CATSPERD: variants seen among roughly 807,000 people sequenced by gnomAD.
CATSPERD encodes catsper channel auxiliary subunit delta.
Under a neutral mutation model 98.1 loss-of-function variants are expected in CATSPERD, and 86 were observed. The observed-to-expected ratio is 0.88, with a 90% CI of 0.74 to 1.05. CATSPERD has a LOEUF of 1.05. Among genes scored for constraint, CATSPERD ranks in the 50% least tolerant of loss-of-function variants. The pLI, the probability that CATSPERD is intolerant of heterozygous loss-of-function variation, is 0.00. For missense variants in CATSPERD, 995 were observed against 1,005.7 expected, an observed-to-expected ratio of 0.99 and a Z score of 0.14; for synonymous variants, 394 against 390.2, an observed-to-expected ratio of 1.01 and a Z score of -0.12.
chr19:5,739,568 A>C (rs918651530), intron 7 of CATSPERD, 129 bp downstream of exon 7: 2 of 542,032 alleles, frequency 3.7e-6, no homozygotes, highest in East Asian at 7.5e-5. Flanking sequence ...GTGGTGGCTC[A>C]TGCCTGTAAT....
intron 5 of CATSPERD, among the ~76,000 whole-genome samples, chr19:5,734,884 C>A (rs778052653): frequency 2.0e-5 from 3 of 151,806 alleles, no homozygotes; most frequent in Non-Finnish European, 4.4e-5. Flanking sequence ...CTGAGGATGA[C>A]CAGTAGATGT....
chr19:5,749,573 G>A (rs55943208), intron 11 of CATSPERD, among the ~76,000 whole-genome samples: 13,037 of 152,134 alleles, frequency 0.086, 898 homozygotes, highest in African/African-American at 0.19. Flanking sequence ...AACAACAACA[G>A]CAGCTAAAAG....
intron 17 of CATSPERD, among the ~76,000 whole-genome samples, chr19:5,767,832 T>A (rs1413634807): frequency 6.6e-6 from 1 of 151,814 alleles, no homozygotes; most frequent in Non-Finnish European, 1.5e-5. Flanking sequence ...AGTCTTGCTC[T>A]GTCACCCAGG....
intron 14 of CATSPERD, 53 bp from the exon 15 acceptor site, chr19:5,759,033 A>T (rs1004628916): frequency 6.5e-7 from 1 of 1,536,104 alleles, no homozygotes; most frequent in Non-Finnish European, 9.0e-7. Flanking sequence ...TGAGTTGGGG[A>T]TGCCCATGGT....
At chr19:5,754,013 G>A (rs1238338021) in intron 12 of CATSPERD, 119 bp from the exon 13 acceptor site, 1 of 708,082 alleles carries the variant, frequency 1.4e-6, no homozygotes, top group South Asian at 1.6e-5. Context: ...GGAAGACAGA[G>A]GCACAAGTGG....
chr19:5,738,352 CAAAAAAAAA>C (rs767298084), intron 6 of CATSPERD, among the ~76,000 whole-genome samples: 79 of 104,938 alleles, frequency 7.5e-4, no homozygotes, highest in African/African-American at 2.4e-3. Context: ...ACTCAAAATA[CAAAAAAAAA>C]AAAAAAAAAG....
chr19:5,734,084 T>C (rs909429009), intron 5 of CATSPERD, 114 bp downstream of exon 5: 1 of 649,494 alleles, frequency 1.5e-6, no homozygotes. Flanking sequence ...CCCCAGGACA[T>C]TACTTTGTCC....
chr19:5,742,138 GCGTGTGTA>G (rs2055988419), intron 7 of CATSPERD, among the ~76,000 whole-genome samples: 2 of 143,538 alleles, frequency 1.4e-5, no homozygotes, highest in South Asian at 4.4e-4. Flanking sequence ...GCGTGTGTGC[GCGTGTGTA>G]CGTGTGTGAA....
intron 8 of CATSPERD, 127 bp from the exon 9 acceptor site, chr19:5,745,786 T>C: frequency 8.8e-6 from 7 of 799,486 alleles, no homozygotes; most frequent in Non-Finnish European, 1.3e-5. Flanking sequence ...AAAGGCAGAC[T>C]TGTGGCTTCT....
At chr19:5,762,702 A>G (rs1371180973) in intron 15 of CATSPERD, among the ~76,000 whole-genome samples, 2 of 151,256 alleles carry the variant, frequency 1.3e-5, no homozygotes, top group Non-Finnish European at 1.5e-5. Flanking sequence ...GATGGAATGG[A>G]TCGATAAGTG....
chr19:5,772,733 T>A, intron 19 of CATSPERD, 55 bp from the exon 20 acceptor site: 1 of 1,550,534 alleles, frequency 6.4e-7, no homozygotes, highest in Non-Finnish European at 8.7e-7. Context: ...GTGGCCCGGG[T>A]CTTCCTGGGT....
chr19:5,763,344 C>T (rs1413323145), intron 16 of CATSPERD, 51 bp downstream of exon 16: 3 of 1,459,430 alleles, frequency 2.1e-6, no homozygotes, highest in Admixed American at 1.7e-5. Context: ...AGTGTTAAGA[C>T]TCATGGAAGC....
In CATSPERD at chr19:5,768,789, T is replaced by G. The variant is rs561676271; in HGVS notation, c.1634+547T>G. On this transcript the variant is annotated intron_variant, in intron 18 of 21. Transcript: ENST00000381624. The stretch of plus-strand genomic sequence containing the variant: ...CACATGCTGTCCGGCTCAGTGAGCA[T>G]GTACTGCCACGCCCATACGAGAGTC... 3.5e-4 allele frequency among the ~76,000 whole-genome samples: 54 copies of G among 152,234 alleles called. 1 individual carries two copies. The highest frequency in any genetic ancestry group is 7.9e-4 in the Admixed American group (12 of 15,254).
In CATSPERD at chr19:5,770,286, C is replaced by T. The variant is rs549300899; in HGVS notation, c.1635-658C>T. ...TCTACTAAAAACACAAAAAATTAGCCGGGCGTGGTGGTGGGCACTTGTATT... is the reference window on the plus strand; with the variant it reads ...TCTACTAAAAACACAAAAAATTAGCTGGGCGTGGTGGTGGGCACTTGTATT... On this transcript the variant is annotated intron_variant, in intron 18 of 21. Coordinates refer to ENST00000381624, the MANE Select transcript of CATSPERD (RefSeq NM_152784.4). Among the ~76,000 whole-genome samples, 7 of 150,968 alleles carry T rather than the reference C, an allele frequency of 4.6e-5. No individual in the cohort carries two copies. The South Asian group carries it at 6.3e-4, about 14-fold the overall frequency.
Position 5,737,123 on chromosome 19 carries a change from A to G in CATSPERD, c.392-15A>G, listed in dbSNP as rs748160431. On this transcript the variant is annotated splice_polypyrimidine_tract_variant and intron_variant, in intron 5 of 21. Transcript: ENST00000381624. Reference sequence around the variant, plus strand: ...GGGAACTCATAAACATTTCAAAATTATATTTTCCTTTCAGGTATAAAACAC... The same window carrying G: ...GGGAACTCATAAACATTTCAAAATTGTATTTTCCTTTCAGGTATAAAACAC... 4.5e-6 allele frequency: 7 copies of G among 1,553,238 alleles called. No homozygotes were observed. The South Asian group carries it at 5.7e-5, about 13-fold the overall frequency.
intron 15 of CATSPERD, among the ~76,000 whole-genome samples, chr19:5,761,655 AAGAGAGAG>A (rs142797931): frequency 4.2e-3 from 54 of 12,934 alleles, no homozygotes; most frequent in Non-Finnish European, 9.9e-3. Flanking sequence ...ATGGCGGCAG[AAGAGAGAG>A]AGAGAGAGAG....
At chr19:5,722,686 T>G (rs1182250850) in intron 1 of CATSPERD, among the ~76,000 whole-genome samples, 1 of 150,978 alleles carries the variant, frequency 6.6e-6, no homozygotes, top group Non-Finnish European at 1.5e-5. Flanking sequence ...ACCTACTGAG[T>G]CGGGGACTTG....
At position 5,728,038 on chromosome 19, in the gene CATSPERD, CAAAAAA is replaced by C. The variant is rs56411287; in HGVS notation, c.203+706_203+711del. ...GAATATAGCAAGATCCCAGTATCTA[CAAAAAA>C]AAAAAAAAAAATACAGAAAATTAGC... On this transcript the variant is annotated intron_variant, in intron 3 of 21. Coordinates refer to ENST00000381624, the MANE Select transcript of CATSPERD (RefSeq NM_152784.4). Among the ~76,000 whole-genome samples, 544 of 128,378 alleles carry C rather than the reference CAAAAAA, an allele frequency of 4.2e-3. 5 individuals are homozygous for C. Among genetic ancestry groups the C allele is most frequent in the African/African-American group, 0.015 (506 of 34,166 alleles). The allele number at this position is 128,378 out of a possible 152,430, so 84.2% of individuals were successfully genotyped here. A position where few individuals can be genotyped will look rare whatever the true frequency, so the allele number is the denominator to read the frequency against.
At position 5,737,265 on chromosome 19, in the gene CATSPERD, T is replaced by A. The variant is rs376297746; in HGVS notation, c.459+60T>A. The A allele has an allele frequency of 2.7e-5, 32 of 1,171,674 alleles. No individual in the cohort carries two copies. The African/African-American group carries it at 4.7e-4, about 17-fold the overall frequency. The allele number at this position is 1,171,674 out of a possible 1,614,324, so 72.6% of individuals were successfully genotyped here. ...GCTCTCCTCTGAACACAAATAATCA[T>A]GAGTAGACATAAAGGCTGGGCGTGG... is the stretch of plus-strand genomic sequence containing the variant. On this transcript the variant is annotated intron_variant, in intron 6 of 21. Coordinates refer to ENST00000381624, the MANE Select transcript of CATSPERD (RefSeq NM_152784.4).
Sources: gnomAD v4.1 joint callset for allele counts (sites outside exome capture counted in the v4.1 genomes callset) on GRCh38, gnomAD v4.1.1 for gene constraint, MANE v1.5 for transcripts, NCBI Gene and HGNC (gene_info 2026-07-23, HGNC 2026-07-21) for gene names.